The following TRPS1 variants were observed in gnomAD, a reference collection of about 807,000 sequenced individuals.
TRPS1 encodes the protein transcriptional repressor GATA binding 1.
A neutral mutation model predicts 101.2 loss-of-function variants in TRPS1; 6 were observed. That is an observed-to-expected ratio of 0.06 (90% confidence interval 0.03 to 0.12). The LOEUF (loss-of-function observed/expected upper bound fraction) is 0.12, where lower values mean the gene tolerates loss of function less well. Ranked by LOEUF, TRPS1 falls within the 10% of genes least tolerant of loss-of-function variation. The pLI is 1.00. For missense variants in TRPS1, 1,363 were observed against 1,567.0 expected (o/e 0.87, Z 2.20); for synonymous variants, 578 against 589.8 (o/e 0.98, Z 0.29).
intron 1 of TRPS1, among the ~76,000 whole-genome samples, chr8:115,626,973 C>G (rs1818522197): frequency 6.6e-6 from 1 of 151,550 alleles, no homozygotes; most frequent in Non-Finnish European, 1.5e-5. Flanking sequence ...TTCATATATC[C>G]AAATACATGT....
In TRPS1 at chr8:115,604,150, G is replaced by T; in HGVS notation, c.1819C>A (p.His607Asn). 1 of 1,614,078 alleles carries T rather than the reference G, an allele frequency of 6.2e-7. No homozygotes were observed. Among genetic ancestry groups the T allele is most frequent in the Non-Finnish European group, 8.5e-7 (1 of 1,180,004 alleles). The change falls in exon 4 of 7, where the codon CAC (histidine) becomes AAC (asparagine). Residue 607 changes from histidine to asparagine, a missense_variant. Physicochemically the swap from His to Asn is moderately conservative, Grantham distance 68 (BLOSUM62 1). This residue lies in a region of TRPS1 where 1,020 missense variants were observed against 1,073.0 expected (regional missense o/e 0.95). Transcript: ENST00000395715. The surrounding 1 kb of genome is among the most constrained non-coding windows in gnomAD (Gnocchi z 4.1). ...PFACRKSNCS[H>N]CALLLLHLSP... is the part of the protein sequence containing the mutation. ...AAGTGCAGAAGCAAGAGTGCACAGT[G>T]GGAACAATTACTTTTTCTACAAGCA...
chr8:115,577,794 T>TG (rs1414733097), intron 5 of TRPS1, among the ~76,000 whole-genome samples: 2 of 152,182 alleles, frequency 1.3e-5, no homozygotes, highest in Non-Finnish European at 2.9e-5. Flanking sequence ...AAATGCCATC[T>TG]TTTAAAGAAA....
intron 5 of TRPS1, among the ~76,000 whole-genome samples, chr8:115,439,889 C>T (rs1030011908): frequency 6.6e-6 from 1 of 152,168 alleles, no homozygotes; most frequent in Non-Finnish European, 1.5e-5. Flanking sequence ...ACAGCAACAG[C>T]TGTTTTCTGT....
intron 1 of TRPS1, among the ~76,000 whole-genome samples, chr8:115,633,072 T>C (rs565963331): frequency 6.6e-6 from 1 of 152,216 alleles, no homozygotes; most frequent in African/African-American, 2.4e-5. Context: ...AGCTGCGATA[T>C]TTTGATGAGC....
intron 5 of TRPS1, among the ~76,000 whole-genome samples, chr8:115,560,611 A>C (rs987458935): frequency 3.3e-5 from 5 of 152,118 alleles, no homozygotes; most frequent in Non-Finnish European, 5.9e-5. Context: ...ACATTGGTGT[A>C]AACTGCCCCT....
rs71287285 is a variant in TRPS1, at chr8:115,546,581, G to GACACACACACACACAC, written c.2700+40404_2700+40419dup. 2.4e-4 allele frequency among the ~76,000 whole-genome samples: 36 copies of GACACACACACACACAC among 147,914 alleles called. No homozygotes were observed. In the East Asian group the frequency reaches 3.0e-3, roughly 12 times the overall value. ...TGTAACTCTCTGGCATGTAAAATGT[G>GACACACACACACACAC]ACACACACACACACACACACACACA... On this transcript the variant is annotated intron_variant, in intron 5 of 6. Coordinates refer to ENST00000395715, the MANE Select transcript of TRPS1 (RefSeq NM_014112.5).
intron 5 of TRPS1, among the ~76,000 whole-genome samples, chr8:115,578,151 G>A (rs1261652294): frequency 6.6e-6 from 1 of 152,068 alleles, no homozygotes; most frequent in African/African-American, 2.4e-5. Context: ...GACATGTACT[G>A]TATTCCATAT....
At chr8:115,474,939 G>T (rs909212860) in intron 5 of TRPS1, among the ~76,000 whole-genome samples, 1 of 152,034 alleles carries the variant, frequency 6.6e-6, no homozygotes, top group Non-Finnish European at 1.5e-5. Flanking sequence ...AAAATTATGG[G>T]TTCCCAGAAT....
chr8:115,581,820 A>T (rs2130429507), intron 5 of TRPS1, among the ~76,000 whole-genome samples: 1 of 152,326 alleles, frequency 6.6e-6, no homozygotes, highest in African/African-American at 2.4e-5. Context: ...GTATTTTTAA[A>T]ATCTAAACTA....
chr8:115,588,813 A>G (rs1817622226), intron 4 of TRPS1, among the ~76,000 whole-genome samples: 1 of 152,220 alleles, frequency 6.6e-6, no homozygotes, highest in African/African-American at 2.4e-5. Context: ...GTACTCATAC[A>G]TGTAATTTTA....
intron 5 of TRPS1, chr8:115,509,872 C>T (rs1294714926): frequency 6.6e-6 from 1 of 152,042 alleles, no homozygotes; most frequent in African/African-American, 2.4e-5. Context: ...CCTGCTGTAG[C>T]TTTACCCTGG....
At chr8:115,527,843 C>T (rs538891353) in intron 5 of TRPS1, among the ~76,000 whole-genome samples, 3 of 152,116 alleles carry the variant, frequency 2.0e-5, no homozygotes, top group South Asian at 2.1e-4. Flanking sequence ...AAATAAAAAT[C>T]GAACGGTCAT....
At chr8:115,590,625 A>C (rs1817659230) in intron 4 of TRPS1, among the ~76,000 whole-genome samples, 1 of 152,212 alleles carries the variant, frequency 6.6e-6, no homozygotes, top group African/African-American at 2.4e-5. Flanking sequence ...CTTACTGGTG[A>C]AATGACCAAC....
At chr8:115,472,533 A>G (rs1429057326) in intron 5 of TRPS1, among the ~76,000 whole-genome samples, 1 of 152,200 alleles carries the variant, frequency 6.6e-6, no homozygotes, top group Non-Finnish European at 1.5e-5. Flanking sequence ...CTCAGCAATT[A>G]AAATTTGCCT....
intron 5 of TRPS1, among the ~76,000 whole-genome samples, chr8:115,474,905 C>T (rs1212781513): frequency 6.6e-6 from 1 of 151,952 alleles, no homozygotes; most frequent in African/African-American, 2.4e-5. Context: ...GTGCAGGCTT[C>T]TCCCATCAGT....
Position 115,414,083 on chromosome 8 carries a change from G to A in TRPS1, c.3825C>T (p.Ile1275=), listed in dbSNP as rs1444898450. ...CTDKYDFTTH[I]QRGLHRNNAQ... is the part of the protein sequence containing the mutation. ...CATTGTTCCTATGCAGGCCCCTCTGGATATGTGTTGTGAAGTCATATTTGT... is the reference window on the plus strand; with the variant it reads ...CATTGTTCCTATGCAGGCCCCTCTGAATATGTGTTGTGAAGTCATATTTGT... The change falls in exon 7 of 7, where the codon ATC becomes ATT. Residue 1275 remains isoleucine, a synonymous_variant. Coordinates refer to ENST00000395715, the MANE Select transcript of TRPS1 (RefSeq NM_014112.5). The surrounding 1 kb of genome is among the most constrained non-coding windows in gnomAD (Gnocchi z 4.8). 2 of 1,613,628 alleles carry A rather than the reference G, an allele frequency of 1.2e-6. No individual in the cohort carries two copies. Among genetic ancestry groups the A allele is most frequent in the Admixed American group, 3.3e-5 (2 of 59,954 alleles).
At chr8:115,498,215 A>G (rs778344863) in intron 5 of TRPS1, among the ~76,000 whole-genome samples, 1 of 151,614 alleles carries the variant, frequency 6.6e-6, no homozygotes, top group Non-Finnish European at 1.5e-5. Flanking sequence ...CCATCTCTAC[A>G]AAAAACACAA....
In TRPS1 at chr8:115,476,005, CTTTTTTTTTTTT is replaced by C. The variant is rs1169514340; in HGVS notation, c.2701-57565_2701-57554del. Among the ~76,000 whole-genome samples, 4 of 40,670 alleles carry C rather than the reference CTTTTTTTTTTTT, an allele frequency of 9.8e-5. 1 individual carries two copies. The highest frequency in any genetic ancestry group is 1.5e-4 in the Non-Finnish European group (4 of 26,388). The allele number at this position is 40,670 out of a possible 152,430, so 26.7% of individuals were successfully genotyped here. A position where few individuals can be genotyped will look rare whatever the true frequency, so the allele number is the denominator to read the frequency against. On this transcript the variant is annotated intron_variant, in intron 5 of 6. Transcript: ENST00000395715. ...AAGAGGTGTTCAGAAAATATACTTT[CTTTTTTTTTTTT>C]TTTTTTTTTTTTTTTTTTTGAGACG...
At chr8:115,580,929 T>C (rs574206885) in intron 5 of TRPS1, among the ~76,000 whole-genome samples, 1 of 152,194 alleles carries the variant, frequency 6.6e-6, no homozygotes, top group South Asian at 2.1e-4. Context: ...AATTAGTATA[T>C]TAAAGAGACA....
Sources: gnomAD v4.1 joint callset for allele counts (sites outside exome capture counted in the v4.1 genomes callset) on GRCh38, gnomAD v4.1.1 for gene constraint, gnomAD v4.1.1 regional missense constraint, Gnocchi (gnomAD v3.1) non-coding constraint, MANE v1.5 for transcripts, NCBI Gene and HGNC (gene_info 2026-07-23, HGNC 2026-07-21) for gene names.